MYO16: variants seen among roughly 807,000 people sequenced by gnomAD.
MYO16 encodes the protein myosin XVI, also known as unconventional myosin-XVI.
Under a neutral mutation model 205.3 loss-of-function variants are expected in MYO16, and 94 were observed. That is an observed-to-expected ratio of 0.46 (90% CI 0.39 to 0.54). The LOEUF is 0.54. Among genes scored for constraint, MYO16 ranks in the 20% least tolerant of loss-of-function variants. The pLI, the probability that MYO16 is intolerant of heterozygous loss-of-function variation, is 0.00. For missense variants in MYO16, 2,315 were observed against 2,387.5 expected (o/e 0.97, Z 0.63); for synonymous variants, 988 against 954.0 (o/e 1.04, Z -0.66).
At chr13:108,880,854 T>G (rs191549163) in intron 12 of MYO16, among the ~76,000 whole-genome samples, 43 of 152,338 alleles carry the variant, frequency 2.8e-4, no homozygotes, top group African/African-American at 7.5e-4. Context: ...AGGCTCTTTC[T>G]TGGTTCCATA....
chr13:109,114,731 A>C (rs1875586824), intron 28 of MYO16, among the ~76,000 whole-genome samples: 1 of 152,192 alleles, frequency 6.6e-6, no homozygotes, highest in African/African-American at 2.4e-5. Context: ...ATGTTGTTTT[A>C]ATTGACGTGT....
intron 3 of MYO16, among the ~76,000 whole-genome samples, chr13:108,723,759 T>C (rs1052677701): frequency 6.6e-6 from 1 of 152,208 alleles, no homozygotes; most frequent in Non-Finnish European, 1.5e-5. Context: ...CTTTAGTCCA[T>C]GAATTTTGGG....
intron 1 of MYO16, among the ~76,000 whole-genome samples, chr13:108,623,263 G>C (rs565799186): frequency 2.6e-5 from 4 of 152,226 alleles, no homozygotes; most frequent in Admixed American, 1.3e-4. Context: ...TATCCAAAAG[G>C]CCTGAGACTT....
At chr13:108,824,957 C>T (rs898246978) in intron 9 of MYO16, among the ~76,000 whole-genome samples, 6 of 152,178 alleles carry the variant, frequency 3.9e-5, no homozygotes, top group African/African-American at 7.2e-5. Context: ...CACATGGCTT[C>T]GAGGCTGAAT....
the MYO16 span, among the ~76,000 whole-genome samples, chr13:108,538,026 G>T: frequency 6.6e-6 from 1 of 151,932 alleles, no homozygotes; most frequent in Non-Finnish European, 1.5e-5. Context: ...AAGCCCATTT[G>T]TCTATTTTTG....
intron 2 of MYO16, among the ~76,000 whole-genome samples, chr13:108,685,544 T>C (rs1594208209): frequency 6.6e-6 from 1 of 152,282 alleles, no homozygotes; most frequent in East Asian, 1.9e-4. Flanking sequence ...GTTTCAGGTG[T>C]AGTAGAAGGA....
intron 16 of MYO16, among the ~76,000 whole-genome samples, chr13:108,949,421 A>T (rs1883057832): frequency 6.6e-6 from 1 of 152,204 alleles, no homozygotes; most frequent in African/African-American, 2.4e-5. Flanking sequence ...GAAAACTGCA[A>T]TTTAAAACAT....
the MYO16 span, among the ~76,000 whole-genome samples, chr13:108,580,055 G>A: frequency 6.9e-4 from 105 of 152,110 alleles, no homozygotes; most frequent in East Asian, 2.9e-3. Flanking sequence ...ATTCAAATAC[G>A]TAATAAATCA....
intron 27 of MYO16, among the ~76,000 whole-genome samples, chr13:109,079,541 G>A (rs1048022500): frequency 2.0e-5 from 3 of 152,124 alleles, no homozygotes; most frequent in South Asian, 4.1e-4. Context: ...ATGTGTTACC[G>A]CTTATAAGCG....
intron 27 of MYO16, among the ~76,000 whole-genome samples, chr13:109,063,442 ATTGGATTGCCTAC>A (rs1887651218): frequency 6.6e-6 from 1 of 152,312 alleles, no homozygotes; most frequent in African/African-American, 2.4e-5. Flanking sequence ...ATGGTACATA[ATTGGATTGCCTAC>A]AGCTGTGGAC....
chr13:108,630,828 A>C (rs1468000189), intron 1 of MYO16, among the ~76,000 whole-genome samples: 2 of 152,214 alleles, frequency 1.3e-5, no homozygotes, highest in Non-Finnish European at 2.9e-5. Context: ...GATGATTGAG[A>C]AGGTGAAAAT....
intron 1 of MYO16, among the ~76,000 whole-genome samples, chr13:108,655,836 G>A (rs1881219790): frequency 6.6e-6 from 1 of 152,126 alleles, no homozygotes; most frequent in African/African-American, 2.4e-5. Flanking sequence ...AGACTTGCAT[G>A]GGTTCTGTAA....
At chr13:109,012,779 G>GTGTA (rs143999280) in intron 22 of MYO16, among the ~76,000 whole-genome samples, 16,340 of 146,494 alleles carry the variant, frequency 0.11, 926 homozygotes, top group East Asian at 0.19. Flanking sequence ...ATGTGTGTGT[G>GTGTA]TATATATATA....
intron 12 of MYO16, among the ~76,000 whole-genome samples, chr13:108,869,438 A>G (rs1205103122): frequency 6.6e-6 from 1 of 151,716 alleles, no homozygotes; most frequent in Non-Finnish European, 1.5e-5. Context: ...AAAAAATCTT[A>G]CCTTGGCCGG....
intron 32 of MYO16, among the ~76,000 whole-genome samples, chr13:109,159,498 T>A (rs765056580): frequency 6.6e-6 from 1 of 152,270 alleles, no homozygotes; most frequent in Non-Finnish European, 1.5e-5. Context: ...TCATCTTTTT[T>A]CTTTTTCAAC....
chr13:108,982,453 A>AAAGG (rs1202229804), intron 20 of MYO16, among the ~76,000 whole-genome samples: 1 of 152,210 alleles, frequency 6.6e-6, no homozygotes, highest in Non-Finnish European at 1.5e-5. Flanking sequence ...TTAAGGGAGA[A>AAAGG]AAGGAACTGT....
intron 29 of MYO16, among the ~76,000 whole-genome samples, chr13:109,123,150 C>T (rs1409236233): frequency 1.3e-5 from 2 of 152,174 alleles, no homozygotes; most frequent in African/African-American, 2.4e-5. Flanking sequence ...CATCAACATC[C>T]ATTAGTGGCA....
At chr13:109,134,026 C>T (rs1046143594) in intron 31 of MYO16, among the ~76,000 whole-genome samples, 2 of 152,196 alleles carry the variant, frequency 1.3e-5, no homozygotes, top group East Asian at 3.8e-4. Context: ...CTTTAAGGAA[C>T]AGTTCTATCT....
intron 16 of MYO16, among the ~76,000 whole-genome samples, chr13:108,935,136 GT>G (rs113539557): frequency 6.6e-6 from 1 of 152,066 alleles, no homozygotes; most frequent in Non-Finnish European, 1.5e-5. Context: ...ATTTTAAACA[GT>G]TTTTTCCAAT....
Sources: allele counts gnomAD v4.1 joint callset (sites outside exome capture counted in the v4.1 genomes callset), GRCh38; gene constraint gnomAD v4.1.1; transcripts MANE v1.5; gene names NCBI Gene and HGNC (gene_info 2026-07-23, HGNC 2026-07-21).